JAKMIP2: variants seen among roughly 807,000 people sequenced by gnomAD.
JAKMIP2 encodes the protein janus kinase and microtubule interacting protein 2.
JAKMIP2 carries 25 observed loss-of-function variants against 115.0 expected under a neutral mutation model. The observed-to-expected ratio is 0.22, with a 90% CI of 0.16 to 0.30. JAKMIP2 has a LOEUF of 0.30. Among genes scored for constraint, JAKMIP2 ranks in the 10% least tolerant of loss-of-function variants. JAKMIP2 has a pLI of 1.00. For missense variants in JAKMIP2, 642 were observed against 957.6 expected, an observed-to-expected ratio of 0.67 and a Z score of 4.35; for synonymous variants, 334 against 343.6, an observed-to-expected ratio of 0.97 and a Z score of 0.31.
Position 147,661,016 on chromosome 5 carries a change from C to T in JAKMIP2, c.559G>A (p.Glu187Lys), listed in dbSNP as rs1267069758. Residue 187 changes from glutamate to lysine, a missense_variant, in exon 3 of 22, where the codon GAG becomes AAG. Glu to Lys is a moderately conservative substitution (Grantham distance 56, BLOSUM62 1). Around this residue, in one of 6 missense-constraint regions of JAKMIP2, gnomAD observed 439 missense variants for 570.9 expected, o/e 0.77. Transcript: ENST00000616793. Reference sequence around the variant, plus strand: ...ATGGCTTCTTGGTGGGACTGATGCTCACTCCGAAGGTCCCCAGCCTTGATT... The same window carrying T: ...ATGGCTTCTTGGTGGGACTGATGCTTACTCCGAAGGTCCCCAGCCTTGATT... ...DKIKAGDLRS[E>K]HQSHQEAISK... 6.2e-6 allele frequency: 10 copies of T among 1,613,940 alleles called. No individual in the cohort carries two copies. The highest frequency in any genetic ancestry group is 3.4e-6 in the Non-Finnish European group (4 of 1,180,034).
chr5:147,627,433 A>T (rs2126674041), intron 16 of JAKMIP2, among the ~76,000 whole-genome samples: 1 of 152,128 alleles, frequency 6.6e-6, no homozygotes, highest in African/African-American at 2.4e-5. Context: ...GAGAGAAGGG[A>T]GAGGAGACAC....
At chr5:147,744,688 T>C (rs1022348431) in intron 1 of JAKMIP2, among the ~76,000 whole-genome samples, 1 of 152,138 alleles carries the variant, frequency 6.6e-6, no homozygotes, top group Admixed American at 6.6e-5. Context: ...AATATAAACA[T>C]TTAAAATGGG....
chr5:147,670,278 T>G (rs1196364941), intron 2 of JAKMIP2, among the ~76,000 whole-genome samples: 1 of 152,176 alleles, frequency 6.6e-6, no homozygotes, highest in Non-Finnish European at 1.5e-5. Flanking sequence ...AAATTAAAAT[T>G]TAATAATGAT....
intron 1 of JAKMIP2, among the ~76,000 whole-genome samples, chr5:147,780,485 T>G (rs1046788152): frequency 3.3e-5 from 5 of 152,226 alleles, no homozygotes; most frequent in African/African-American, 1.2e-4. Context: ...ACATTTTAAT[T>G]TTTGGAAGTC....
intron 1 of JAKMIP2, among the ~76,000 whole-genome samples, chr5:147,720,678 G>A (rs1162655788): frequency 1.3e-5 from 2 of 151,396 alleles, no homozygotes; most frequent in Admixed American, 6.6e-5. Context: ...CGTAGTTCTC[G>A]AGCCTTGGTT....
intron 1 of JAKMIP2, among the ~76,000 whole-genome samples, chr5:147,691,084 G>A (rs1279718417): frequency 1.3e-5 from 2 of 152,256 alleles, no homozygotes; most frequent in South Asian, 4.1e-4. Context: ...AGCAGATAGG[G>A]AGGTTGGTAT....
chr5:147,734,806 G>A (rs1453900320), intron 1 of JAKMIP2, among the ~76,000 whole-genome samples: 1 of 152,118 alleles, frequency 6.6e-6, no homozygotes, highest in Non-Finnish European at 1.5e-5. Flanking sequence ...TGATTTTGGG[G>A]TAAGATTTAC....
chr5:147,600,531 A>G (rs889804338), intron 21 of JAKMIP2, among the ~76,000 whole-genome samples: 5 of 152,186 alleles, frequency 3.3e-5, no homozygotes, highest in African/African-American at 1.2e-4. Context: ...AGGCTAATAT[A>G]ATTTAATAGG....
chr5:147,591,592 T>A lies in JAKMIP2; in HGVS notation c.*115A>T. 1 of 1,146,040 alleles carries A rather than the reference T, an allele frequency of 8.7e-7. No individual in the cohort carries two copies. Among genetic ancestry groups the A allele is most frequent in the South Asian group, 1.3e-5 (1 of 76,394 alleles). The allele number at this position is 1,146,040 out of a possible 1,614,324, so 71.0% of individuals were successfully genotyped here. A position where few individuals can be genotyped will look rare whatever the true frequency, so the allele number is the denominator to read the frequency against. On this transcript the variant is annotated 3_prime_UTR_variant, in exon 22 of 22. Coordinates refer to ENST00000616793, the MANE Select transcript of JAKMIP2 (RefSeq NM_001270941.2). ...CCTGGCTACAGGGTAGTTCTTAGCT[T>A]TTGATCTCCCTCTCACTGGTGTAAA...
Position 147,620,763 on chromosome 5 carries a change from T to C in JAKMIP2, c.2065-20A>G. On this transcript the variant is annotated intron_variant, in intron 17 of 21. Coordinates refer to ENST00000616793, the MANE Select transcript of JAKMIP2 (RefSeq NM_001270941.2). ...CTGTTCCTATAACAAAGGGCCATAT[T>C]GATAGAGTCAGCTTAGTTAACTAGA... 6.3e-7 allele frequency: 1 copy of C among 1,576,346 alleles called. No individual in the cohort carries two copies. Among genetic ancestry groups the C allele is most frequent in the African/African-American group, 1.3e-5 (1 of 74,272 alleles).
intron 1 of JAKMIP2, among the ~76,000 whole-genome samples, chr5:147,731,743 C>T (rs1753741668): frequency 1.3e-5 from 2 of 152,128 alleles, no homozygotes; most frequent in Admixed American, 1.3e-4. Flanking sequence ...TATTTTCTTC[C>T]AAGACAACTG....
intron 1 of JAKMIP2, among the ~76,000 whole-genome samples, chr5:147,771,261 G>T (rs1755343910): frequency 6.6e-6 from 1 of 152,022 alleles, no homozygotes; most frequent in Non-Finnish European, 1.5e-5. Flanking sequence ...ATGATCTAGA[G>T]TAAGTATTAA....
chr5:147,683,103 G>T (rs1185775366), intron 1 of JAKMIP2, among the ~76,000 whole-genome samples: 1 of 152,188 alleles, frequency 6.6e-6, no homozygotes, highest in Non-Finnish European at 1.5e-5. Context: ...AGAGCGGGAA[G>T]CAATTATGTA....
chr5:147,654,661 G>A (rs921531299), intron 3 of JAKMIP2, among the ~76,000 whole-genome samples: 4 of 152,264 alleles, frequency 2.6e-5, no homozygotes, highest in Middle Eastern at 6.8e-3. Context: ...TCTGCAAACA[G>A]AGATAATTTG....
chr5:147,644,775 G>T (rs1758046937), intron 6 of JAKMIP2, 75 bp downstream of exon 6: 1 of 1,290,912 alleles, frequency 7.7e-7, no homozygotes, highest in Admixed American at 2.2e-5. Context: ...AATAAGCTGA[G>T]AAATGGCAAT....
intron 2 of JAKMIP2, among the ~76,000 whole-genome samples, chr5:147,664,935 G>A (rs537631967): frequency 4.7e-4 from 72 of 152,262 alleles, no homozygotes; most frequent in African/African-American, 1.6e-3. Context: ...ATACAGGCTT[G>A]CAGGGTTACC....
intron 1 of JAKMIP2, among the ~76,000 whole-genome samples, chr5:147,724,437 A>G (rs1205702609): frequency 1.3e-5 from 2 of 152,216 alleles, no homozygotes; most frequent in Non-Finnish European, 2.9e-5. Context: ...CAATAACATA[A>G]TAACAATAAA....
intron 1 of JAKMIP2, among the ~76,000 whole-genome samples, chr5:147,748,626 C>A (rs908482429): frequency 1.3e-5 from 2 of 152,154 alleles, no homozygotes; most frequent in Non-Finnish European, 2.9e-5. Flanking sequence ...CATGGAGATG[C>A]TGTCTTTCCT....
chr5:147,635,334 G>A (rs1757561769), intron 12 of JAKMIP2, among the ~76,000 whole-genome samples: 1 of 151,500 alleles, frequency 6.6e-6, no homozygotes, highest in Non-Finnish European at 1.5e-5. Flanking sequence ...CCATGTTTTT[G>A]TTTCTTAATT....
Sources: allele counts gnomAD v4.1 joint callset (sites outside exome capture counted in the v4.1 genomes callset), GRCh38; gene constraint gnomAD v4.1.1; regional missense constraint gnomAD v4.1.1; transcripts MANE v1.5; gene names NCBI Gene and HGNC (gene_info 2026-07-23, HGNC 2026-07-21).